Variants in COL24A1 observed in about 807,000 individuals in gnomAD.
COL24A1 encodes collagen alpha-1(XXIV) chain.
COL24A1 carries 224 observed loss-of-function variants against 253.9 expected under a neutral mutation model. The observed-to-expected ratio is 0.88, with a 90% CI of 0.79 to 0.99. The LOEUF (loss-of-function observed/expected upper bound fraction) is 0.99, where lower values mean the gene tolerates loss of function less well. Ranked by LOEUF, COL24A1 falls within the 50% of genes least tolerant of loss-of-function variation. The pLI, the probability that COL24A1 is intolerant of heterozygous loss-of-function variation, is 0.00. For synonymous variants in COL24A1, 685 were observed against 673.7 expected, an observed-to-expected ratio of 1.02 and a Z score of -0.26; for missense variants, 2,131 against 2,068.5, an observed-to-expected ratio of 1.03 and a Z score of -0.59.
chr1:85,744,047 T>C (rs934770679), intron 57 of COL24A1, among the ~76,000 whole-genome samples: 2 of 152,166 alleles, frequency 1.3e-5, no homozygotes, highest in Non-Finnish European at 2.9e-5. Flanking sequence ...AACATGTCAT[T>C]GTGTTAAAAC....
chr1:85,911,231 A>G, intron 25 of COL24A1, 149 bp downstream of exon 25: 1 of 621,992 alleles, frequency 1.6e-6, no homozygotes, highest in Non-Finnish European at 2.8e-6. Flanking sequence ...GCTGTTAGCT[A>G]TATTTCAATA....
intron 28 of COL24A1, among the ~76,000 whole-genome samples, chr1:85,905,253 C>T (rs1296050222): frequency 6.6e-6 from 1 of 152,034 alleles, no homozygotes; most frequent in Non-Finnish European, 1.5e-5. Flanking sequence ...CAGCTAGGTC[C>T]CCTTTTCATT....
intron 32 of COL24A1, among the ~76,000 whole-genome samples, chr1:85,882,383 C>G: frequency 6.6e-6 from 1 of 152,108 alleles, no homozygotes; most frequent in South Asian, 2.1e-4. Flanking sequence ...GAGAATGGCG[C>G]GAACCCGGGA....
chr1:85,808,266 T>A (rs900619805), intron 47 of COL24A1, among the ~76,000 whole-genome samples: 14 of 152,232 alleles, frequency 9.2e-5, no homozygotes, highest in African/African-American at 3.4e-4. Flanking sequence ...ATATTCCCTA[T>A]CTGTTTTACT....
chr1:85,917,998 G>A (rs557874448), intron 24 of COL24A1, among the ~76,000 whole-genome samples: 7 of 152,256 alleles, frequency 4.6e-5, no homozygotes, highest in South Asian at 2.1e-4. Context: ...ATGAGATACC[G>A]TGCCCAAACC....
At chr1:85,781,110 A>G (rs910977891) in intron 52 of COL24A1, 110 bp downstream of exon 52, 2 of 760,964 alleles carry the variant, frequency 2.6e-6, no homozygotes, top group South Asian at 2.4e-5. Context: ...ATGTATATCT[A>G]TTTTTTCCAT....
intron 39 of COL24A1, 33 bp from the exon 40 acceptor site, chr1:85,842,426 G>C: frequency 5.1e-6 from 7 of 1,363,958 alleles, no homozygotes; most frequent in Non-Finnish European, 7.2e-6. Context: ...GTGAGAGAGA[G>C]AAAGTAAAGA....
chr1:85,937,692 C>T (rs1279575110), intron 24 of COL24A1, among the ~76,000 whole-genome samples: 1 of 147,304 alleles, frequency 6.8e-6, no homozygotes, highest in Non-Finnish European at 1.5e-5. Context: ...AATACTGCTT[C>T]CACTGAATAT....
At position 85,868,369 on chromosome 1, in the gene COL24A1, T is replaced by A. The variant is rs1570988376; in HGVS notation, c.3300+150A>T. On this transcript the variant is annotated intron_variant, in intron 37 of 59. Transcript: ENST00000370571. ...TCTTAGGAGGGCTGATAATCAGTCC[T>A]TGACTTTTCCTTCTCTCTAGCCACA... is the stretch of plus-strand genomic sequence containing the variant. 7.9e-6 allele frequency: 4 copies of A among 509,100 alleles called. No individual in the cohort carries two copies. The East Asian group carries it at 1.2e-4, about 16-fold the overall frequency. 31.5% of individuals were successfully genotyped at this position (509,100 alleles called of 1,614,324 possible).
chr1:86,133,675 C>T (rs1484046840), intron 2 of COL24A1, among the ~76,000 whole-genome samples: 2 of 152,162 alleles, frequency 1.3e-5, no homozygotes, highest in South Asian at 2.1e-4. Flanking sequence ...TATGTTGAAC[C>T]AGCCTTGCAT....
In COL24A1 at chr1:86,115,309, T is replaced by C. The variant is rs1706033033; in HGVS notation, c.1545+16A>G. The C allele has an allele frequency of 1.2e-6, 2 of 1,612,534 alleles. No homozygotes were observed. Among genetic ancestry groups the C allele is most frequent in the East Asian group, 2.2e-5 (1 of 44,860 alleles). On this transcript the variant is annotated intron_variant, in intron 4 of 59. Transcript: ENST00000370571. Reference sequence around the variant, plus strand: ...AAATTCTCACTGCCAGCAGGAAATATAGCCCATCTACTTACCCGTGGACCT... The same window carrying C: ...AAATTCTCACTGCCAGCAGGAAATACAGCCCATCTACTTACCCGTGGACCT...
chr1:85,922,116 G>GA (rs1558662785), intron 24 of COL24A1, among the ~76,000 whole-genome samples: 1 of 152,050 alleles, frequency 6.6e-6, no homozygotes, highest in Non-Finnish European at 1.5e-5. Context: ...GAAGTTTAGA[G>GA]AAAAAATAAT....
At chr1:85,883,393 C>T (rs1056366136) in intron 32 of COL24A1, among the ~76,000 whole-genome samples, 4 of 151,136 alleles carry the variant, frequency 2.6e-5, no homozygotes, top group Admixed American at 1.3e-4. Flanking sequence ...CTAATTTTTG[C>T]GTTTTTTGGT....
chr1:86,107,426 A>G (rs188576133), intron 5 of COL24A1, among the ~76,000 whole-genome samples: 10 of 152,350 alleles, frequency 6.6e-5, no homozygotes, highest in Middle Eastern at 3.4e-3. Flanking sequence ...TATTCTAGAA[A>G]TGCATGTTAA....
At chr1:85,764,569 C>G (rs575770054) in intron 53 of COL24A1, among the ~76,000 whole-genome samples, 1 of 151,828 alleles carries the variant, frequency 6.6e-6, no homozygotes, top group African/African-American at 2.4e-5. Context: ...TATAGAAAAA[C>G]ACAATCATAT....
At chr1:86,076,417 C>T (rs1702247293) in intron 7 of COL24A1, among the ~76,000 whole-genome samples, 1 of 152,146 alleles carries the variant, frequency 6.6e-6, no homozygotes. Flanking sequence ...AAAAACATTC[C>T]ATGCTCATGG....
chr1:85,746,566 T>C (rs999220778), intron 55 of COL24A1, among the ~76,000 whole-genome samples: 4 of 152,098 alleles, frequency 2.6e-5, no homozygotes, highest in South Asian at 4.1e-4. Context: ...GAAAGAAAAG[T>C]GCACGAAACT....
Position 86,110,073 on chromosome 1 carries a change from C to T in COL24A1, c.1599+2494G>A, listed in dbSNP as rs185514687. 3.0e-4 allele frequency among the ~76,000 whole-genome samples: 46 copies of T among 151,996 alleles called. No individual in the cohort carries two copies. In the East Asian group the frequency reaches 5.8e-3, roughly 19 times the overall value. On this transcript the variant is annotated intron_variant, in intron 5 of 59. Transcript: ENST00000370571. Reference sequence around the variant, plus strand: ...AAATTTCTGTTGCTTATAAACTACTCAGTTTATGGTATTTTGTTACAGCAG... The same window carrying T: ...AAATTTCTGTTGCTTATAAACTACTTAGTTTATGGTATTTTGTTACAGCAG...
intron 37 of COL24A1, among the ~76,000 whole-genome samples, chr1:85,856,007 G>T (rs1004449960): frequency 1.3e-5 from 2 of 152,024 alleles, no homozygotes; most frequent in Non-Finnish European, 2.9e-5. Flanking sequence ...GTCTCTGAGG[G>T]TTTTTTGTAT....
Sources: allele counts gnomAD v4.1 joint callset (sites outside exome capture counted in the v4.1 genomes callset), GRCh38; gene constraint gnomAD v4.1.1; transcripts MANE v1.5; gene names NCBI Gene and HGNC (gene_info 2026-07-23, HGNC 2026-07-21).